The following DENND3 variants were observed in gnomAD, a reference collection of about 807,000 sequenced individuals.
The protein encoded by DENND3 is DENN domain-containing protein 3.
DENND3 carries 88 observed loss-of-function variants against 135.1 expected under a neutral mutation model. The observed-to-expected ratio is 0.65, with a 90% CI of 0.55 to 0.78. The LOEUF is 0.78. Among genes scored for constraint, DENND3 ranks in the 30% least tolerant of loss-of-function variants. The pLI, the probability that DENND3 is intolerant of heterozygous loss-of-function variation, is 0.00. For missense variants in DENND3, 1,392 were observed against 1,688.4 expected, an observed-to-expected ratio of 0.82 and a Z score of 3.08; for synonymous variants, 693 against 712.3, an observed-to-expected ratio of 0.97 and a Z score of 0.43.
intron 14 of DENND3, chr8:141,176,287 CAA>C (rs1274747351): frequency 3.1e-4 from 47 of 151,526 alleles, no homozygotes; most frequent in South Asian, 6.9e-4. Context: ...AAAAACAAAA[CAA>C]AAAAAAAAAA....
In DENND3 at chr8:141,190,389, C is replaced by T. The variant is rs1276591037; in HGVS notation, c.3351C>T (p.Ile1117=). ...TGCCGCGAGGTGGCCTGACGTCCATCAGACTGCACGGCGGCCGCCTGTGGT... is the reference window on the plus strand; with the variant it reads ...TGCCGCGAGGTGGCCTGACGTCCATTAGACTGCACGGCGGCCGCCTGTGGT... ...FQLPRGGLTS[I]RLHGGRLWCC... is the part of the protein sequence containing the mutation. Residue 1117 remains isoleucine (I), a synonymous_variant, in exon 20 of 23, where the codon ATC becomes ATT. Transcript: ENST00000519811. The T allele has an allele frequency of 6.2e-7, 1 of 1,612,024 alleles. No individual in the cohort carries two copies. Among genetic ancestry groups the T allele is most frequent in the Non-Finnish European group, 8.5e-7 (1 of 1,179,664 alleles).
At chr8:141,147,571 G>T (rs769982950) in intron 5 of DENND3, among the ~76,000 whole-genome samples, 1 of 152,182 alleles carries the variant, frequency 6.6e-6, no homozygotes, top group African/African-American at 2.4e-5. Flanking sequence ...CTCATCTCTG[G>T]TCACTCTCAG....
At chr8:141,183,608 C>A (rs749908492) in intron 17 of DENND3, among the ~76,000 whole-genome samples, 21 of 151,888 alleles carry the variant, frequency 1.4e-4, no homozygotes, top group Non-Finnish European at 2.6e-4. Context: ...TTCAAATGAG[C>A]TGGTTTAATT....
Position 141,174,731 on chromosome 8 carries a change from G to A in DENND3, c.2276-469G>A, listed in dbSNP as rs307734. On this transcript the variant is annotated intron_variant, in intron 13 of 22. Transcript: ENST00000519811. The surrounding 1 kb of genome is among the most constrained non-coding windows in gnomAD (Gnocchi z 4.6). ...GGTCGGGCCAGTTACAGGAGAGGCC[G>A]ACCCAGTGGCAGGGCAGCGGCGCTA... Among the ~76,000 whole-genome samples the A allele has an allele frequency of 4.4e-3, 675 of 151,840 alleles. 9 individuals carry two copies. Among genetic ancestry groups the A allele is most frequent in the African/African-American group, 0.015 (641 of 41,362 alleles).
intron 1 of DENND3, among the ~76,000 whole-genome samples, chr8:141,132,674 A>T (rs1289730068): frequency 2.0e-5 from 3 of 152,204 alleles, no homozygotes; most frequent in Non-Finnish European, 2.9e-5. Flanking sequence ...TGTTATTTTT[A>T]AAAATGAGAT....
chr8:141,185,867 G>A (rs972807710), intron 18 of DENND3, among the ~76,000 whole-genome samples: 4 of 151,806 alleles, frequency 2.6e-5, no homozygotes, highest in African/African-American at 7.3e-5. Context: ...AAAAATCGAC[G>A]TCAGTTCTGT....
In DENND3 at chr8:141,128,872, A is replaced by C. The variant is rs140059375; in HGVS notation, c.102+63A>C. On this transcript the variant is annotated intron_variant, in intron 1 of 22. Coordinates refer to ENST00000519811, the MANE Select transcript of DENND3 (RefSeq NM_001352890.3). This position sits in a 1 kb window ranked among gnomAD's most constrained non-coding sequence, Gnocchi z 4.5. ...AGTCGGCAGCCGGGACAGCAGTCGG[A>C]GAGCGGGCGCCCGGGTGCCCTGTGG... The C allele has an allele frequency of 1.1e-3, 1,428 of 1,244,084 alleles. 24 individuals carry two copies. In the East Asian group the frequency reaches 0.039, roughly 34 times the overall value. 77.1% of individuals were successfully genotyped at this position (1,244,084 alleles called of 1,614,324 possible). A position where few individuals can be genotyped will look rare whatever the true frequency, so the allele number is the denominator to read the frequency against.
At chr8:141,142,904 G>A (rs1817634260) in intron 4 of DENND3, 1 of 156,694 alleles carries the variant, frequency 6.4e-6, no homozygotes, top group Non-Finnish European at 1.4e-5. Context: ...TCCGCCTCCT[G>A]GTCGATGTTA....
intron 20 of DENND3, 112 bp from the exon 21 acceptor site, chr8:141,192,219 G>A (rs1015733416): frequency 6.0e-5 from 87 of 1,460,444 alleles, no homozygotes; most frequent in Non-Finnish European, 7.4e-5. Context: ...GGTGGCACGT[G>A]GTGATCCCCC....
At chr8:141,133,356 T>C (rs1816380017) in intron 1 of DENND3, among the ~76,000 whole-genome samples, 1 of 152,204 alleles carries the variant, frequency 6.6e-6, no homozygotes. Flanking sequence ...AGATACAGTA[T>C]CATGATGTGG....
At position 141,175,417 on chromosome 8, in the gene DENND3, A is replaced by C; in HGVS notation, c.2493A>C (p.Gly831=). ...AGCGCCTGTTCCTCCTAACCGAAGG[A>C]AGGCCAGGCTACTTGGAGATTTCCA... The part of the protein sequence containing the change: ...TQKRLFLLTE[G]RPGYLEISTF... Residue 831 remains glycine (G), a synonymous_variant, in exon 14 of 23, where the codon GGA becomes GGC. Transcript: ENST00000519811. This position sits in a 1 kb window ranked among gnomAD's most constrained non-coding sequence, Gnocchi z 5.4. 1 of 1,614,162 alleles carries C rather than the reference A, an allele frequency of 6.2e-7. No homozygotes were observed. The highest frequency in any genetic ancestry group is 8.5e-7 in the Non-Finnish European group (1 of 1,180,030).
At chr8:141,147,449 A>C (rs373748900) in intron 5 of DENND3, among the ~76,000 whole-genome samples, 2 of 152,118 alleles carry the variant, frequency 1.3e-5, no homozygotes, top group African/African-American at 4.8e-5. Context: ...CAGCGTGCTG[A>C]TGTCTGGCCT....
chr8:141,133,691 G>A (rs1312617796), intron 1 of DENND3, among the ~76,000 whole-genome samples: 1 of 152,172 alleles, frequency 6.6e-6, no homozygotes, highest in Non-Finnish European at 1.5e-5. Context: ...TGGCTGAGGT[G>A]TAGGTCTGCA....
chr8:141,155,448 G>A (rs534002707), intron 7 of DENND3, among the ~76,000 whole-genome samples: 1 of 152,066 alleles, frequency 6.6e-6, no homozygotes, highest in African/African-American at 2.4e-5. Context: ...CTGTTGCCCA[G>A]GCTTCCGTGC....
rs530308145 is a variant in DENND3 at position 141,169,469 on chromosome 8, G to A, written c.2275+944G>A. On this transcript the variant is annotated intron_variant, in intron 13 of 22. Coordinates refer to ENST00000519811, the MANE Select transcript of DENND3 (RefSeq NM_001352890.3). ...AGCATCTGCACAGAACCATGGCCTC[G>A]GCTGAAATGCTGCAGACACATGCAA... Among the ~76,000 whole-genome samples the A allele has an allele frequency of 3.9e-5, 6 of 152,340 alleles. No homozygotes were observed. In the East Asian group the frequency reaches 7.7e-4, roughly 20 times the overall value.
chr8:141,151,638 C>A lies in DENND3; in HGVS notation c.875C>A (p.Thr292Lys). 6.2e-7 allele frequency: 1 copy of A among 1,613,968 alleles called. No individual in the cohort carries two copies. Among genetic ancestry groups the A allele is most frequent in the Non-Finnish European group, 8.5e-7 (1 of 1,180,006 alleles). Residue 292 changes from threonine to lysine, a missense_variant, in exon 7 of 23, where the codon ACG becomes AAG. Coordinates refer to ENST00000519811, the MANE Select transcript of DENND3 (RefSeq NM_001352890.3). ...CCTCAGATCCTGACATGCATCCTGACGGAACAGCGGATCGTCTTCTTCTCC... is the reference window on the plus strand; with the variant it reads ...CCTCAGATCCTGACATGCATCCTGAAGGAACAGCGGATCGTCTTCTTCTCC... ...KVLQILTCIL[T>K]EQRIVFFSSD...
chr8:141,133,792 G>A (rs1816447418), intron 1 of DENND3, among the ~76,000 whole-genome samples: 1 of 152,140 alleles, frequency 6.6e-6, no homozygotes, highest in African/African-American at 2.4e-5. Flanking sequence ...GGAGAACACA[G>A]GTGGGAGATC....
At position 141,166,189 on chromosome 8, in the gene DENND3, G is replaced by A. The variant is rs1253513964; in HGVS notation, c.1554-1G>A. ...TAACGCGTTGCTTTTTCGTACCCCA[G>A]AATAAATGGAATGCTTCTAAGTCCA... On this transcript the variant is annotated splice_acceptor_variant, in intron 11 of 22. Coordinates refer to ENST00000519811, the MANE Select transcript of DENND3 (RefSeq NM_001352890.3). LOFTEE classifies it high-confidence loss of function. This position sits in a 1 kb window ranked among gnomAD's most constrained non-coding sequence, Gnocchi z 4.3. The A allele has an allele frequency of 6.2e-7, 1 of 1,613,912 alleles. No homozygotes were observed. Among genetic ancestry groups the A allele is most frequent in the Admixed American group, 1.7e-5 (1 of 59,944 alleles).
intron 1 of DENND3, among the ~76,000 whole-genome samples, chr8:141,135,153 T>C (rs1816644665): frequency 1.7e-5 from 2 of 114,856 alleles, no homozygotes; most frequent in African/African-American, 1.1e-4. Flanking sequence ...TCTTTCTTTC[T>C]TTTTTTTTTT....
Sources: allele counts gnomAD v4.1 joint callset (sites outside exome capture counted in the v4.1 genomes callset), GRCh38; gene constraint gnomAD v4.1.1; non-coding constraint Gnocchi (gnomAD v3.1); transcripts MANE v1.5; gene names NCBI Gene and HGNC (gene_info 2026-07-23, HGNC 2026-07-21).